The following IDO2 variants were observed in gnomAD, a reference collection of about 807,000 sequenced individuals.
IDO2 encodes indoleamine 2,3-dioxygenase 2.
A neutral mutation model predicts 45.1 loss-of-function variants in IDO2; 46 were observed. That is an observed-to-expected ratio of 1.02 (90% confidence interval 0.80 to 1.30). The LOEUF is 1.30. Ranked by LOEUF, IDO2 falls within the 50% of genes most tolerant of loss-of-function variation. IDO2 has a pLI of 0.00. For synonymous variants in IDO2, 218 were observed against 184.9 expected, an observed-to-expected ratio of 1.18 and a Z score of -1.45; for missense variants, 544 against 491.8, an observed-to-expected ratio of 1.11 and a Z score of -1.00.
intron 1 of IDO2, among the ~76,000 whole-genome samples, chr8:39,942,961 CG>C (rs1807669532): frequency 6.6e-6 from 1 of 152,018 alleles, no homozygotes; most frequent in South Asian, 2.1e-4. Flanking sequence ...AAGGAAAGAA[CG>C]AGAGGACAAT....
chr8:39,970,293 A>G (rs1585405140), intron 3 of IDO2, among the ~76,000 whole-genome samples: 1 of 152,388 alleles, frequency 6.6e-6, no homozygotes, highest in Middle Eastern at 3.4e-3. Flanking sequence ...TGCAAGGTGA[A>G]GCAGCAAGTG....
chr8:40,000,468 T>A (rs1021781500), intron 8 of IDO2, among the ~76,000 whole-genome samples: 1 of 152,184 alleles, frequency 6.6e-6, no homozygotes, highest in African/African-American at 2.4e-5. Context: ...TTTTGTTTTG[T>A]AGGGTTTTGA....
chr8:39,966,888 G>C (rs7815679), intron 3 of IDO2, among the ~76,000 whole-genome samples: 2,208 of 152,286 alleles, frequency 0.014, 63 homozygotes, highest in African/African-American at 0.05. Flanking sequence ...AGCCCACTTG[G>C]CATTCAGGAC....
chr8:40,002,462 A>G (rs1034250258), intron 8 of IDO2, among the ~76,000 whole-genome samples: 4 of 152,090 alleles, frequency 2.6e-5, no homozygotes, highest in African/African-American at 9.7e-5. Context: ...AGACCTTCAT[A>G]TAGACTGTTA....
intron 1 of IDO2, among the ~76,000 whole-genome samples, chr8:39,948,048 T>C (rs935404303): frequency 6.6e-6 from 1 of 151,114 alleles, no homozygotes; most frequent in Non-Finnish European, 1.5e-5. Context: ...CCTTCCAAAG[T>C]GCCTTGGCCT....
At chr8:39,968,933 G>T (rs1486150781) in intron 3 of IDO2, among the ~76,000 whole-genome samples, 1 of 151,396 alleles carries the variant, frequency 6.6e-6, no homozygotes, top group Non-Finnish European at 1.5e-5. Context: ...GACTACAAAT[G>T]CACTATATAA....
At chr8:39,954,442 A>T (rs1807858844) in intron 2 of IDO2, among the ~76,000 whole-genome samples, 1 of 152,160 alleles carries the variant, frequency 6.6e-6, no homozygotes, top group African/African-American at 2.4e-5. Flanking sequence ...AGCCACAAAC[A>T]GTTGGGCTTA....
chr8:39,988,077 C>A, intron 7 of IDO2, 107 bp downstream of exon 7: 1 of 639,720 alleles, frequency 1.6e-6, no homozygotes, highest in Non-Finnish European at 2.8e-6. Flanking sequence ...GAACATAGAC[C>A]TTGTCCTGCT....
At chr8:39,995,438 G>A (rs947842317) in intron 8 of IDO2, among the ~76,000 whole-genome samples, 5 of 150,968 alleles carry the variant, frequency 3.3e-5, no homozygotes, top group Non-Finnish European at 5.9e-5. Flanking sequence ...ATGCCACCAC[G>A]CCCGGATAAT....
At chr8:39,956,784 C>T (rs2543085) in intron 2 of IDO2, among the ~76,000 whole-genome samples, 28,344 of 151,946 alleles carry the variant, frequency 0.19, 2,656 homozygotes, top group East Asian at 0.27. Context: ...CGGTGGCTCA[C>T]GCCTGTAACC....
chr8:39,989,972 A>G, intron 8 of IDO2, 134 bp downstream of exon 8: 2 of 595,872 alleles, frequency 3.4e-6, no homozygotes, highest in Non-Finnish European at 6.0e-6. Flanking sequence ...CTGGTGGACT[A>G]TCTTTGTTTT....
At chr8:39,956,579 G>C (rs1330146971) in intron 2 of IDO2, among the ~76,000 whole-genome samples, 1 of 152,084 alleles carries the variant, frequency 6.6e-6, no homozygotes, top group Non-Finnish European at 1.5e-5. Flanking sequence ...ATTTTCAAGT[G>C]TATTAGCAAA....
At chr8:39,995,251 C>CTTCCT (rs1554548609) in intron 8 of IDO2, 13 of 78,066 alleles carry the variant, frequency 1.7e-4, no homozygotes, top group African/African-American at 2.5e-4. Context: ...TTCTCCTTCT[C>CTTCCT]CTTCTTCTTC....
intron 1 of IDO2, among the ~76,000 whole-genome samples, chr8:39,947,881 A>G (rs1807761958): frequency 6.6e-6 from 1 of 150,494 alleles, no homozygotes; most frequent in Non-Finnish European, 1.5e-5. Context: ...TCCACCTCCC[A>G]GGTTCAAGCA....
intron 8 of IDO2, among the ~76,000 whole-genome samples, chr8:39,999,397 G>A (rs1378785281): frequency 2.7e-5 from 4 of 149,732 alleles, no homozygotes; most frequent in Non-Finnish European, 5.9e-5. Flanking sequence ...TCCTGCCTCA[G>A]CCTACCGAGT....
chr8:39,969,356 G>A (rs181884848), intron 3 of IDO2, among the ~76,000 whole-genome samples: 80 of 152,102 alleles, frequency 5.3e-4, no homozygotes, highest in African/African-American at 9.2e-4. Flanking sequence ...TATCATAATC[G>A]TTTTGAAGGT....
chr8:39,960,193 G>A (rs1028634678), intron 2 of IDO2, among the ~76,000 whole-genome samples: 2 of 152,050 alleles, frequency 1.3e-5, no homozygotes, highest in African/African-American at 4.8e-5. Flanking sequence ...CTATGTTTAG[G>A]TTGAGGTCCC....
intron 8 of IDO2, among the ~76,000 whole-genome samples, chr8:40,002,699 G>A (rs1269745163): frequency 6.6e-6 from 1 of 152,110 alleles, no homozygotes; most frequent in Non-Finnish European, 1.5e-5. Context: ...AGAATCGCTT[G>A]AACCTGGCAG....
At chr8:39,996,383 G>C (rs975288230) in intron 8 of IDO2, among the ~76,000 whole-genome samples, 1 of 152,168 alleles carries the variant, frequency 6.6e-6, no homozygotes, top group Admixed American at 6.5e-5. Context: ...CTCTCTCTCC[G>C]CCTCAGCTGC....
Sources: gnomAD v4.1 joint callset for allele counts (sites outside exome capture counted in the v4.1 genomes callset) on GRCh38, gnomAD v4.1.1 for gene constraint, MANE v1.5 for transcripts, NCBI Gene and HGNC (gene_info 2026-07-23, HGNC 2026-07-21) for gene names.